Variants in CPNE4 observed in about 807,000 individuals in gnomAD.
CPNE4 encodes copine-4.
In CPNE4, 25 loss-of-function variants were observed where a neutral mutation model predicts 67.9. That is an observed-to-expected ratio of 0.37 (90% CI 0.27 to 0.51). The LOEUF (loss-of-function observed/expected upper bound fraction) is 0.51. CPNE4 is among the 20% of genes least tolerant of loss of function. The probability of loss-of-function intolerance (pLI) is 0.93; values close to 1 mark genes in which losing one functional copy is unlikely to be tolerated. For synonymous variants in CPNE4, 242 were observed against 244.9 expected (o/e 0.99, Z 0.11); for missense variants, 464 against 690.8 (o/e 0.67, Z 3.68).
chr3:131,582,965 G>A (rs1425567495), intron 8 of CPNE4, among the ~76,000 whole-genome samples: 3 of 152,132 alleles, frequency 2.0e-5, no homozygotes, highest in African/African-American at 7.2e-5. Context: ...GAAGTTCTGG[G>A]CTAATTTTTT....
chr3:131,831,439 T>A (rs1402940239), intron 2 of CPNE4, among the ~76,000 whole-genome samples: 1 of 152,200 alleles, frequency 6.6e-6, no homozygotes, highest in African/African-American at 2.4e-5. Flanking sequence ...TTTGTATTAC[T>A]ACTACTGATG....
intron 1 of CPNE4, among the ~76,000 whole-genome samples, chr3:132,028,542 T>C (rs1483451274): frequency 6.6e-6 from 1 of 152,092 alleles, no homozygotes; most frequent in Non-Finnish European, 1.5e-5. Flanking sequence ...GGATAAGAGA[T>C]GGGAGAAGAG....
chr3:131,719,884 C>A (rs1321819829), intron 3 of CPNE4, among the ~76,000 whole-genome samples: 1 of 152,214 alleles, frequency 6.6e-6, no homozygotes, highest in Non-Finnish European at 1.5e-5. Flanking sequence ...GAAAAATCCA[C>A]ATGTCTTACT....
At chr3:131,796,600 T>C (rs1583213544) in intron 2 of CPNE4, among the ~76,000 whole-genome samples, 1 of 152,206 alleles carries the variant, frequency 6.6e-6, no homozygotes, top group Non-Finnish European at 1.5e-5. Flanking sequence ...CCACACATCA[T>C]CTGCCCCCTC....
intron 1 of CPNE4, among the ~76,000 whole-genome samples, chr3:131,946,025 G>A (rs576411051): frequency 5.9e-4 from 90 of 152,226 alleles, no homozygotes; most frequent in Non-Finnish European, 6.2e-4. Flanking sequence ...TTATTGAGGC[G>A]AAATTCACAT....
intron 9 of CPNE4, among the ~76,000 whole-genome samples, chr3:131,579,070 G>T (rs1937628439): frequency 6.6e-6 from 1 of 152,186 alleles, no homozygotes; most frequent in Admixed American, 6.5e-5. Flanking sequence ...AGAAGTCACT[G>T]CCTGGCTTCA....
At chr3:131,925,619 A>G (rs1177795337) in intron 1 of CPNE4, 2 of 152,178 alleles carry the variant, frequency 1.3e-5, no homozygotes, top group African/African-American at 4.8e-5. Context: ...ATAGGGGAGA[A>G]AAAAATAGGA....
chr3:131,794,734 T>G (rs1203518012), intron 2 of CPNE4, among the ~76,000 whole-genome samples: 2 of 152,250 alleles, frequency 1.3e-5, no homozygotes, highest in Admixed American at 1.3e-4. Context: ...CAGGTAGATG[T>G]TCTTCCTTAT....
At chr3:131,739,405 C>T (rs542687870) in intron 2 of CPNE4, among the ~76,000 whole-genome samples, 1 of 152,306 alleles carries the variant, frequency 6.6e-6, no homozygotes, top group East Asian at 1.9e-4. Context: ...CCCCTCTGTC[C>T]TTCTGCCTCC....
intron 2 of CPNE4, among the ~76,000 whole-genome samples, chr3:131,818,073 G>A (rs16837870): frequency 0.22 from 32,906 of 152,054 alleles, 3,842 homozygotes; most frequent in Admixed American, 0.33. Flanking sequence ...CCCTAAATCC[G>A]GTTTTTTAAA....
chr3:131,721,480 C>T (rs1264417559), intron 3 of CPNE4, among the ~76,000 whole-genome samples: 1 of 150,010 alleles, frequency 6.7e-6, no homozygotes, highest in African/African-American at 2.5e-5. Flanking sequence ...ACTGCAAGCT[C>T]CGCCTTCCGG....
At chr3:131,943,459 A>C (rs985580965) in intron 1 of CPNE4, among the ~76,000 whole-genome samples, 1 of 152,198 alleles carries the variant, frequency 6.6e-6, no homozygotes, top group Non-Finnish European at 1.5e-5. Flanking sequence ...CTGAGAGCTC[A>C]ATAAATGTTA....
At chr3:131,886,002 T>G (rs917226634) in intron 2 of CPNE4, among the ~76,000 whole-genome samples, 2 of 152,154 alleles carry the variant, frequency 1.3e-5, no homozygotes, top group Non-Finnish European at 2.9e-5. Flanking sequence ...CTGCAGAAAT[T>G]TGCATAAGTA....
At chr3:131,915,798 T>G (rs1394237604) in intron 1 of CPNE4, among the ~76,000 whole-genome samples, 1 of 152,190 alleles carries the variant, frequency 6.6e-6, no homozygotes, top group Non-Finnish European at 1.5e-5. Context: ...GAAATGTGCA[T>G]ATGGAATCAG....
chr3:131,593,628 A>G (rs1020178757), intron 7 of CPNE4, among the ~76,000 whole-genome samples: 2 of 152,066 alleles, frequency 1.3e-5, no homozygotes, highest in African/African-American at 4.8e-5. Flanking sequence ...AGATAACTTT[A>G]CTTCTTCTTT....
At chr3:131,576,266 T>C (rs1484420867) in intron 9 of CPNE4, among the ~76,000 whole-genome samples, 1 of 152,158 alleles carries the variant, frequency 6.6e-6, no homozygotes, top group Admixed American at 6.6e-5. Context: ...TAGTGCTTAC[T>C]TTTGGTGTCC....
At chr3:131,655,575 G>A (rs544425789) in intron 7 of CPNE4, among the ~76,000 whole-genome samples, 4 of 152,172 alleles carry the variant, frequency 2.6e-5, no homozygotes, top group South Asian at 2.1e-4. Flanking sequence ...TTTAAATACC[G>A]GTGCAATAAA....
rs1344340108 is a variant in CPNE4 at position 131,991,896 on chromosome 3, G to T, written c.-2+42671C>A. On this transcript the variant is annotated intron_variant, in intron 1 of 15. Coordinates refer to ENST00000429747, the MANE Select transcript of CPNE4 (RefSeq NM_130808.3). ...GGGCCAAGGTACAGGTCAGGCTGTG[G>T]CTTCAGAGGGTGAAAGTGCCAAGAC... Among the ~76,000 whole-genome samples, 3 of 136,290 alleles carry T rather than the reference G, an allele frequency of 2.2e-5. 1 individual carries two copies. The highest frequency in any genetic ancestry group is 5.0e-5 in the Non-Finnish European group (3 of 60,026). The allele number at this position is 136,290 out of a possible 152,430, so 89.4% of individuals were successfully genotyped here. A position where few individuals can be genotyped will look rare whatever the true frequency, so the allele number is the denominator to read the frequency against.
chr3:131,705,117 C>T (rs987221882), intron 3 of CPNE4, among the ~76,000 whole-genome samples: 5 of 151,570 alleles, frequency 3.3e-5, no homozygotes, highest in Admixed American at 2.0e-4. Context: ...TCTTCTTTCC[C>T]TTCAATTGAA....
Sources: gnomAD v4.1 joint callset for allele counts (sites outside exome capture counted in the v4.1 genomes callset) on GRCh38, gnomAD v4.1.1 for gene constraint, MANE v1.5 for transcripts, NCBI Gene and HGNC (gene_info 2026-07-23, HGNC 2026-07-21) for gene names.